GPR176: variants seen among roughly 807,000 people sequenced by gnomAD.
GPR176 encodes the protein G-protein coupled receptor 176.
Under a neutral mutation model 35.4 loss-of-function variants are expected in GPR176, and 26 were observed. That is an observed-to-expected ratio of 0.74 (90% CI 0.54 to 1.02). The LOEUF (loss-of-function observed/expected upper bound fraction) is 1.02. GPR176 is among the 50% of genes least tolerant of loss of function. The pLI is 0.00. For synonymous variants in GPR176, 278 were observed against 271.3 expected, an observed-to-expected ratio of 1.02 and a Z score of -0.24; for missense variants, 597 against 665.3, an observed-to-expected ratio of 0.90 and a Z score of 1.13.
At chr15:39,874,680 G>A (rs1183453059) in intron 1 of GPR176, among the ~76,000 whole-genome samples, 1 of 152,182 alleles carries the variant, frequency 6.6e-6, no homozygotes, top group Non-Finnish European at 1.5e-5. Flanking sequence ...GTAATAGAAT[G>A]TTTCTTATTA....
intron 1 of GPR176, among the ~76,000 whole-genome samples, chr15:39,880,401 C>T (rs74008985): frequency 0.013 from 2,022 of 152,272 alleles, 60 homozygotes; most frequent in African/African-American, 0.043. Flanking sequence ...TCCTATATGG[C>T]ACTCCTCTTC....
At position 39,811,744 on chromosome 15, in the gene GPR176, G is replaced by A. The variant is rs373851915; in HGVS notation, c.173-4486C>T. Among the ~76,000 whole-genome samples, 555 of 152,036 alleles carry A rather than the reference G, an allele frequency of 3.7e-3. 2 individuals are homozygous for A. Among genetic ancestry groups the A allele is most frequent in the African/African-American group, 0.012 (486 of 41,446 alleles). On this transcript the variant is annotated intron_variant, in intron 1 of 2. Coordinates refer to ENST00000561100, the MANE Select transcript of GPR176 (RefSeq NM_007223.3). Reference sequence around the variant, plus strand: ...ATCCTGGCGAACATGGTGAAACCCCGTCTCTACTAAAAATACAAAAAATTA... The same window carrying A: ...ATCCTGGCGAACATGGTGAAACCCCATCTCTACTAAAAATACAAAAAATTA...
At chr15:39,899,456 C>T (rs115342089) in intron 1 of GPR176, among the ~76,000 whole-genome samples, 1 of 152,172 alleles carries the variant, frequency 6.6e-6, no homozygotes, top group Admixed American at 6.5e-5. Flanking sequence ...AGATGCCTAG[C>T]AGATTCTTTT....
chr15:39,874,799 T>C (rs540143522), intron 1 of GPR176, among the ~76,000 whole-genome samples: 6 of 152,282 alleles, frequency 3.9e-5, no homozygotes, highest in African/African-American at 1.4e-4. Flanking sequence ...ATCCCAGCAC[T>C]TTGGGGGGCC....
chr15:39,874,858 A>T (rs529801674), intron 1 of GPR176, among the ~76,000 whole-genome samples: 1 of 152,320 alleles, frequency 6.6e-6, no homozygotes, highest in East Asian at 1.9e-4. Context: ...AGCCTGACCA[A>T]CATGAAGAAA....
At chr15:39,855,714 T>C (rs57526859) in intron 1 of GPR176, among the ~76,000 whole-genome samples, 1,889 of 152,344 alleles carry the variant, frequency 0.012, 57 homozygotes, top group African/African-American at 0.043. Context: ...TCTCTAAGAT[T>C]CTGTGAGTTG....
chr15:39,845,543 C>T (rs1284557955), intron 1 of GPR176, among the ~76,000 whole-genome samples: 1 of 151,630 alleles, frequency 6.6e-6, no homozygotes, highest in East Asian at 1.9e-4. Context: ...ACACTGATGC[C>T]TGGGCCACAC....
At chr15:39,874,798 C>T (rs866161954) in intron 1 of GPR176, among the ~76,000 whole-genome samples, 8 of 152,268 alleles carry the variant, frequency 5.3e-5, no homozygotes, top group Middle Eastern at 6.8e-3. Flanking sequence ...AATCCCAGCA[C>T]TTTGGGGGGC....
chr15:39,919,153 A>C (rs1221494638), intron 1 of GPR176, among the ~76,000 whole-genome samples: 3 of 152,208 alleles, frequency 2.0e-5, no homozygotes, highest in African/African-American at 7.2e-5. Flanking sequence ...CTAGCCACTC[A>C]TTTTAATTCG....
At chr15:39,802,297 T>C (rs1157260207) in intron 2 of GPR176, 43 bp from the exon 3 acceptor site, 9 of 1,455,378 alleles carry the variant, frequency 6.2e-6, no homozygotes, top group Non-Finnish European at 7.4e-6. Context: ...GAAGATACTT[T>C]TTAAATTAGG....
intron 1 of GPR176, among the ~76,000 whole-genome samples, chr15:39,809,040 G>T (rs1276481542): frequency 6.6e-6 from 1 of 152,196 alleles, no homozygotes; most frequent in Non-Finnish European, 1.5e-5. Flanking sequence ...CCTCAGGTGT[G>T]AAGGGCAGCC....
intron 1 of GPR176, among the ~76,000 whole-genome samples, chr15:39,870,232 C>G (rs960446622): frequency 1.3e-5 from 2 of 152,188 alleles, no homozygotes; most frequent in Non-Finnish European, 2.9e-5. Context: ...TAAGGCCCAC[C>G]CAGATAATCC....
chr15:39,848,650 AAAAG>A (rs2030619904), intron 1 of GPR176, among the ~76,000 whole-genome samples: 1 of 152,176 alleles, frequency 6.6e-6, no homozygotes, highest in Admixed American at 6.6e-5. Context: ...AGAAATTAGT[AAAAG>A]AAAGACAACA....
At chr15:39,895,802 A>G (rs1391214271) in intron 1 of GPR176, among the ~76,000 whole-genome samples, 1 of 152,174 alleles carries the variant, frequency 6.6e-6, no homozygotes, top group Non-Finnish European at 1.5e-5. Flanking sequence ...TATCCTCCCA[A>G]TGTTATGATG....
chr15:39,895,303 G>A (rs2140865140), intron 1 of GPR176, among the ~76,000 whole-genome samples: 1 of 142,558 alleles, frequency 7.0e-6, no homozygotes, highest in Non-Finnish European at 1.5e-5. Flanking sequence ...GGGGGAGGGG[G>A]AGGGGGAGGG....
chr15:39,853,283 GA>G, intron 1 of GPR176, among the ~76,000 whole-genome samples: 1 of 152,266 alleles, frequency 6.6e-6, no homozygotes, highest in East Asian at 1.9e-4. Context: ...GAACCTTGAG[GA>G]CATTATACCA....
At position 39,818,689 on chromosome 15, in the gene GPR176, G is replaced by A. The variant is rs145260656; in HGVS notation, c.173-11431C>T. Reference sequence around the variant, plus strand: ...ACGATCAAAACAAAACTATTTCAGCGACCACAGTCAAGTCTGCCCCATCCT... The same window carrying A: ...ACGATCAAAACAAAACTATTTCAGCAACCACAGTCAAGTCTGCCCCATCCT... On this transcript the variant is annotated intron_variant, in intron 1 of 2. Transcript: ENST00000561100. 2.6e-5 allele frequency among the ~76,000 whole-genome samples: 4 copies of A among 152,246 alleles called. No individual in the cohort carries two copies. The East Asian group carries it at 7.7e-4, about 29-fold the overall frequency.
At chr15:39,910,550 C>T (rs988801090) in intron 1 of GPR176, among the ~76,000 whole-genome samples, 1 of 151,392 alleles carries the variant, frequency 6.6e-6, no homozygotes, top group Non-Finnish European at 1.5e-5. Context: ...AAGAGCAAAC[C>T]GCATCTCAAA....
chr15:39,871,961 T>C (rs1052266508), intron 1 of GPR176, among the ~76,000 whole-genome samples: 7 of 152,164 alleles, frequency 4.6e-5, no homozygotes, highest in African/African-American at 7.2e-5. Flanking sequence ...ATTAGCAAAT[T>C]AGATTGCTTT....
Sources: gnomAD v4.1 joint callset for allele counts (sites outside exome capture counted in the v4.1 genomes callset) on GRCh38, gnomAD v4.1.1 for gene constraint, MANE v1.5 for transcripts, NCBI Gene and HGNC (gene_info 2026-07-23, HGNC 2026-07-21) for gene names.